The following GPC5 variants were observed in gnomAD, a reference collection of about 807,000 sequenced individuals.
GPC5 encodes glypican 5, also known as glypican-5.
GPC5 carries 47 observed loss-of-function variants against 53.9 expected under a neutral mutation model. The ratio of observed to expected loss-of-function variants is 0.87; its 90% CI spans 0.69 to 1.11. The LOEUF is 1.11. Ranked by LOEUF, GPC5 falls within the 50% of genes most tolerant of loss-of-function variation. The probability of loss-of-function intolerance (pLI) is 0.00; values close to 1 mark genes in which losing one functional copy is unlikely to be tolerated. For missense variants in GPC5, 748 were observed against 713.1 expected (o/e 1.05, Z -0.56); for synonymous variants, 286 against 263.3 (o/e 1.09, Z -0.84).
At chr13:92,333,975 T>C (rs1442050963) in intron 7 of GPC5, among the ~76,000 whole-genome samples, 1 of 151,702 alleles carries the variant, frequency 6.6e-6, no homozygotes, top group Non-Finnish European at 1.5e-5. Context: ...AAAAACCAAA[T>C]ACTATGGGTC....
chr13:92,183,214 A>G (rs1355730905), intron 7 of GPC5, among the ~76,000 whole-genome samples: 2 of 152,178 alleles, frequency 1.3e-5, no homozygotes, highest in Non-Finnish European at 2.9e-5. Context: ...TTATTTTTGC[A>G]TTAAAATTCT....
rs568024837 is a variant in GPC5 at position 92,056,336 on chromosome 13, G to GGCTC, written c.1402-88493_1402-88490dup. On this transcript the variant is annotated intron_variant, in intron 6 of 7. Transcript: ENST00000377067. ...TATTAAGACCTCCGGGATTACACTG[G>GGCTC]GCTCACCCTGATAATCCAGGTTAAT... is the stretch of plus-strand genomic sequence containing the variant. Among the ~76,000 whole-genome samples, 30 of 151,894 alleles carry GGCTC rather than the reference G, an allele frequency of 2.0e-4. 1 individual carries two copies. Among genetic ancestry groups the GGCTC allele is most frequent in the South Asian group, 4.2e-4 (2 of 4,784 alleles).
intron 7 of GPC5, among the ~76,000 whole-genome samples, chr13:92,462,027 G>A (rs2139411047): frequency 6.6e-6 from 1 of 152,290 alleles, no homozygotes; most frequent in Non-Finnish European, 1.5e-5. Context: ...GAACCCGAAA[G>A]AACCAGGTGA....
At chr13:92,473,507 A>G (rs1227863189) in intron 7 of GPC5, among the ~76,000 whole-genome samples, 1 of 152,130 alleles carries the variant, frequency 6.6e-6, no homozygotes, top group Non-Finnish European at 1.5e-5. Flanking sequence ...AATGATTCTC[A>G]TCAATAGTAT....
chr13:91,821,743 T>C (rs2038499235), intron 5 of GPC5, among the ~76,000 whole-genome samples: 1 of 152,140 alleles, frequency 6.6e-6, no homozygotes, highest in Admixed American at 6.5e-5. Context: ...TAATGGATGC[T>C]AACTAATCAT....
chr13:92,211,506 A>G (rs2042375408), intron 7 of GPC5, among the ~76,000 whole-genome samples: 1 of 152,188 alleles, frequency 6.6e-6, no homozygotes, highest in South Asian at 2.1e-4. Context: ...TCATTCAAGA[A>G]CCTGGCCTTA....
intron 7 of GPC5, among the ~76,000 whole-genome samples, chr13:92,363,177 C>A (rs1220368464): frequency 6.6e-6 from 1 of 151,610 alleles, no homozygotes; most frequent in Non-Finnish European, 1.5e-5. Context: ...GTTGGGGGGA[C>A]ACTTAAAAGT....
chr13:91,949,063 C>T lies in GPC5; in HGVS notation c.1401+41006C>T, dbSNP rs114495671. ...TCGTTACTATCTTCTCTCCTTGATACTCATACATAACTCATGGCACATATG... is the reference window on the plus strand; with the variant it reads ...TCGTTACTATCTTCTCTCCTTGATATTCATACATAACTCATGGCACATATG... On this transcript the variant is annotated intron_variant, in intron 6 of 7. Transcript: ENST00000377067. Among the ~76,000 whole-genome samples, 1,032 of 152,282 alleles carry T rather than the reference C, an allele frequency of 6.8e-3. 11 individuals are homozygous for T. The highest frequency in any genetic ancestry group is 0.024 in the African/African-American group (990 of 41,556).
intron 2 of GPC5, among the ~76,000 whole-genome samples, chr13:91,624,633 T>G (rs1386308837): frequency 6.6e-6 from 1 of 152,030 alleles, no homozygotes; most frequent in East Asian, 1.9e-4. Context: ...TATGCTTGAC[T>G]ATAGGAACAC....
intron 6 of GPC5, among the ~76,000 whole-genome samples, chr13:92,009,568 A>C (rs528593341): frequency 6.6e-6 from 1 of 152,270 alleles, no homozygotes; most frequent in South Asian, 2.1e-4. Flanking sequence ...TATCTTACAC[A>C]TATGCAGCTT....
At chr13:91,642,400 G>A (rs1316337879) in intron 2 of GPC5, among the ~76,000 whole-genome samples, 1 of 152,110 alleles carries the variant, frequency 6.6e-6, no homozygotes, top group East Asian at 1.9e-4. Context: ...CTTAGTTTTG[G>A]GATCCAAGGG....
intron 7 of GPC5, among the ~76,000 whole-genome samples, chr13:92,512,958 C>T (rs565287053): frequency 5.9e-5 from 9 of 152,236 alleles, no homozygotes; most frequent in African/African-American, 2.2e-4. Context: ...GCACGTGATG[C>T]GATGTTGTCA....
At chr13:91,665,588 C>T (rs61966948) in intron 2 of GPC5, among the ~76,000 whole-genome samples, 1,924 of 151,716 alleles carry the variant, frequency 0.013, 20 homozygotes, top group Non-Finnish European at 0.02. Context: ...CTGCAAGCTC[C>T]GCCTCCCAGG....
intron 7 of GPC5, among the ~76,000 whole-genome samples, chr13:92,275,102 T>A (rs977221783): frequency 1.3e-5 from 2 of 152,146 alleles, no homozygotes; most frequent in Non-Finnish European, 2.9e-5. Context: ...TTGAATAGAT[T>A]CTCTTACTTT....
intron 7 of GPC5, among the ~76,000 whole-genome samples, chr13:92,451,681 A>G (rs936679286): frequency 9.9e-5 from 15 of 152,256 alleles, no homozygotes; most frequent in South Asian, 4.1e-4. Context: ...CACTAATCCA[A>G]TCTTGTTTTT....
At chr13:91,527,328 C>A (rs971754869) in intron 2 of GPC5, among the ~76,000 whole-genome samples, 1 of 152,206 alleles carries the variant, frequency 6.6e-6, no homozygotes, top group African/African-American at 2.4e-5. Context: ...TGGCCATAGG[C>A]CTTATGCAAG....
chr13:91,433,523 C>T (rs1879662985), intron 1 of GPC5, among the ~76,000 whole-genome samples: 2 of 152,124 alleles, frequency 1.3e-5, no homozygotes, highest in South Asian at 4.1e-4. Flanking sequence ...CTGCAAAGGA[C>T]ATGAACTCAT....
intron 5 of GPC5, among the ~76,000 whole-genome samples, chr13:91,829,832 G>A (rs2038628304): frequency 6.6e-6 from 1 of 152,032 alleles, no homozygotes; most frequent in South Asian, 2.1e-4. Context: ...AAAAGGGGAG[G>A]GAGTGTACGA....
At chr13:91,949,606 T>C (rs2040007828) in intron 6 of GPC5, among the ~76,000 whole-genome samples, 1 of 152,162 alleles carries the variant, frequency 6.6e-6, no homozygotes, top group African/African-American at 2.4e-5. Context: ...TCCCATTATT[T>C]GATGGTCTAT....
Sources: gnomAD v4.1 joint callset for allele counts (sites outside exome capture counted in the v4.1 genomes callset) on GRCh38, gnomAD v4.1.1 for gene constraint, MANE v1.5 for transcripts, NCBI Gene and HGNC (gene_info 2026-07-23, HGNC 2026-07-21) for gene names.